SERINC4: variants seen among roughly 807,000 people sequenced by gnomAD.
The protein encoded by SERINC4 is serine incorporator 4.
In SERINC4, 52 loss-of-function variants were observed where a neutral mutation model predicts 52.0. The ratio of observed to expected loss-of-function variants is 1.00; its 90% CI spans 0.80 to 1.26. The LOEUF (loss-of-function observed/expected upper bound fraction) is 1.26. Among genes scored for constraint, SERINC4 ranks in the 50% most tolerant of loss-of-function variants. SERINC4 has a pLI of 0.00. For missense variants in SERINC4, 723 were observed against 632.8 expected (o/e 1.14, Z -1.53); for synonymous variants, 264 against 247.7 (o/e 1.07, Z -0.62).
rs202170146 is a variant in SERINC4, at chr15:43,796,624, A to G, written c.1059T>C (p.Leu353=). The change falls in exon 8 of 12, where the codon CTT becomes CTC. Residue 353 remains leucine, a synonymous_variant. Coordinates refer to ENST00000319327, the MANE Select transcript of SERINC4 (RefSeq NM_001258031.2). The part of the protein sequence containing the change: ...LSASIMYACV[L]FACNEASYLA... ...TTGACACCTTTACGCACCAAGCAAAAAGCACACAAGCATACATGATGCTAG... is the reference window on the plus strand; with the variant it reads ...TTGACACCTTTACGCACCAAGCAAAGAGCACACAAGCATACATGATGCTAG... The G allele has an allele frequency of 1.9e-4, 299 of 1,614,026 alleles. 2 individuals are homozygous for G. Among genetic ancestry groups the G allele is most frequent in the Middle Eastern group, 1.7e-3 (10 of 6,060 alleles).
At position 43,795,448 on chromosome 15, in the gene SERINC4, A is replaced by T; in HGVS notation, c.1283T>A (p.Phe428Tyr). The change falls in exon 11 of 12, where the codon TTC (phenylalanine) becomes TAC (tyrosine). Residue 428 changes from phenylalanine to tyrosine, a missense_variant. Phe to Tyr is a conservative substitution (Grantham distance 22). Transcript: ENST00000319327. ...VQHLSYNYSA[F>Y]HFVFFLASLY... Reference sequence around the variant, plus strand: ...TGAGGCAAGGAAGAAGACGAAGTGGAAGGCAGAATAGTTGTAGGAAAGATG... The same window carrying T: ...TGAGGCAAGGAAGAAGACGAAGTGGTAGGCAGAATAGTTGTAGGAAAGATG... 6.2e-7 allele frequency: 1 copy of T among 1,614,210 alleles called. No individual in the cohort carries two copies. The highest frequency in any genetic ancestry group is 8.5e-7 in the Non-Finnish European group (1 of 1,180,040).
intron 4 of SERINC4, 44 bp from the exon 5 acceptor site, chr15:43,798,057 T>C: frequency 2.7e-6 from 4 of 1,459,446 alleles, no homozygotes; most frequent in South Asian, 1.2e-5. Context: ...TTGTTACTTT[T>C]TTTTTTTTTT....
rs1055071552 is a variant in SERINC4, at chr15:43,798,710, G to T, written c.459-206C>A. 1.4e-5 allele frequency: 9 copies of T among 622,594 alleles called. No individual in the cohort carries two copies. The African/African-American group carries it at 1.7e-4, about 11-fold the overall frequency. 38.6% of individuals were successfully genotyped at this position (622,594 alleles called of 1,614,324 possible). A position where few individuals can be genotyped will look rare whatever the true frequency, so the allele number is the denominator to read the frequency against. The stretch of plus-strand genomic sequence containing the variant: ...AATTCTAACTCAAAGATACTTAATA[G>T]CATCTGGGCAATGTTTTACAGTTTA... On this transcript the variant is annotated intron_variant, in intron 3 of 11. Coordinates refer to ENST00000319327, the MANE Select transcript of SERINC4 (RefSeq NM_001258031.2).
Position 43,797,221 on chromosome 15 carries a change from G to A in SERINC4, c.768C>T (p.Asn256=). The change falls in exon 6 of 12, where the codon AAC becomes AAT. Residue 256 remains asparagine, a synonymous_variant. Transcript: ENST00000319327. ...AAAGGTGCAGACTGAGGAGCATCTT[G>A]TTAAGCAGGCAGCCAGCTGGGTGTG... The part of the protein sequence containing the change: ...YYTHPAGCLL[N]KMLLSLHLCF... 6.4e-7 allele frequency: 1 copy of A among 1,550,824 alleles called. No homozygotes were observed. The highest frequency in any genetic ancestry group is 8.7e-7 in the Non-Finnish European group (1 of 1,147,004).
chr15:43,799,092 C>CAG lies in SERINC4; in HGVS notation c.323_324dup (p.Asp109LeufsTer56). ...CCAGAGCCACTGAGCACTGGACAGT[C>CAG]AGAGAGGCCAAACAGGTGGGCACAC... On this transcript the variant is annotated frameshift_variant, in exon 3 of 12. Coordinates refer to ENST00000319327, the MANE Select transcript of SERINC4 (RefSeq NM_001258031.2). LOFTEE classifies it high-confidence loss of function. 1 of 1,550,510 alleles carries CAG rather than the reference C, an allele frequency of 6.4e-7. No homozygotes were observed. The highest frequency in any genetic ancestry group is 2.4e-5 in the East Asian group (1 of 40,908).
rs1303004153 is a variant in SERINC4, at chr15:43,795,211, T to C, written c.1346A>G (p.Tyr449Cys). Residue 449 changes from tyrosine (Y) to cysteine (C), a missense_variant and splice_region_variant, in exon 12 of 12, where the codon TAT becomes TGT. Coordinates refer to ENST00000319327, the MANE Select transcript of SERINC4 (RefSeq NM_001258031.2). ...GGTCTTTTCCAGTTCTGCTCCCTCA[T>C]AGCTGTGTAACCAAAGGCTCTGGTT... The part of the protein sequence containing the change: ...VMVTLTNWFS[Y>C]EGAELEKTFI... 2 of 1,614,022 alleles carry C rather than the reference T, an allele frequency of 1.2e-6. No individual in the cohort carries two copies. Among genetic ancestry groups the C allele is most frequent in the Admixed American group, 1.7e-5 (1 of 60,026 alleles).
At chr15:43,799,273 C>T (rs2087272550) in intron 2 of SERINC4, 37 bp downstream of exon 2, 10 of 1,538,336 alleles carry the variant, frequency 6.5e-6, no homozygotes, top group African/African-American at 1.4e-5. Context: ...TTCCTTTTAT[C>T]TCTTCCCACC....
chr15:43,800,129 A>G lies in SERINC4; in HGVS notation c.-143T>C. The G allele has an allele frequency of 1.6e-6, 1 of 628,686 alleles. No individual in the cohort carries two copies. The highest frequency in any genetic ancestry group is 2.7e-6 in the Non-Finnish European group (1 of 367,782). 38.9% of individuals were successfully genotyped at this position (628,686 alleles called of 1,614,324 possible). A position where few individuals can be genotyped will look rare whatever the true frequency, so the allele number is the denominator to read the frequency against. On this transcript the variant is annotated 5_prime_UTR_variant, in exon 1 of 12. Coordinates refer to ENST00000319327, the MANE Select transcript of SERINC4 (RefSeq NM_001258031.2). ...GCAGAATGGAGACGTCCGGAAGAGA[A>G]CACTGACCTCCAGGTTGCGGTAAAT...
In SERINC4 at chr15:43,797,987, C is replaced by G; in HGVS notation, c.565G>C (p.Gly189Arg). 6.2e-7 allele frequency: 1 copy of G among 1,613,794 alleles called. No homozygotes were observed. The highest frequency in any genetic ancestry group is 8.5e-7 in the Non-Finnish European group (1 of 1,179,734). ...PAWHYIGICG[G>R]FAFILLQLVL... ...AACTGCAGTAGGATGAATGCAAAGC[C>G]TCCACAGATGCCAATGTAATGCCAT... The change falls in exon 5 of 12, where the codon GGC becomes CGC. Residue 189 changes from glycine to arginine, a missense_variant. By Grantham distance (125) the Gly-to-Arg change is moderately radical (BLOSUM62 -2). Coordinates refer to ENST00000319327, the MANE Select transcript of SERINC4 (RefSeq NM_001258031.2).
chr15:43,799,511 A>G, intron 1 of SERINC4, 25 bp from the exon 2 acceptor site: 1 of 1,550,884 alleles, frequency 6.4e-7, no homozygotes, highest in Non-Finnish European at 8.7e-7. Context: ...GATGCAAGGC[A>G]GCGAGGTGGA....
At position 43,799,457 on chromosome 15, in the gene SERINC4, G is replaced by T; in HGVS notation, c.132C>A (p.Ala44=). 1 of 1,550,720 alleles carries T rather than the reference G, an allele frequency of 6.4e-7. No homozygotes were observed. ...QVCCCGPAPC[A]SCCHSRWPSL... The stretch of plus-strand genomic sequence containing the variant: ...AGGGCCACCTAGAGTGGCAGCAGCT[G>T]GCACAAGGAGCAGGCCCACAGCAGC... The change falls in exon 2 of 12, where the codon GCC becomes GCA. Residue 44 remains alanine, a synonymous_variant. Transcript: ENST00000319327.
In SERINC4 at chr15:43,794,257, A is replaced by G; in HGVS notation, c.*743T>C. 2.8e-6 allele frequency: 1 copy of G among 355,792 alleles called. No individual in the cohort carries two copies. Among genetic ancestry groups the G allele is most frequent in the Non-Finnish European group, 5.1e-6 (1 of 196,084 alleles). The allele number at this position is 355,792 out of a possible 1,614,324, so 22.0% of individuals were successfully genotyped here. On this transcript the variant is annotated 3_prime_UTR_variant, in exon 12 of 12. Transcript: ENST00000319327. ...GAGGAATCCTCTAAGAACCATAGAG[A>G]CTTCTTTTCTGTGATTTTTGTTCCC... is the stretch of plus-strand genomic sequence containing the variant.
intron 1 of SERINC4, 111 bp downstream of exon 1, chr15:43,799,774 G>C: frequency 1.1e-6 from 1 of 921,138 alleles, no homozygotes. Flanking sequence ...GATTATACCT[G>C]GGGCAACGAA....
rs374113255 is a variant in SERINC4, at chr15:43,795,140, A to T, written c.1417T>A (p.Cys473Ser). Residue 473 changes from cysteine to serine, a missense_variant, in exon 12 of 12, where the codon TGC (cysteine) becomes AGC (serine). Physicochemically the swap from Cys to Ser is moderately radical, Grantham distance 112. Transcript: ENST00000319327. Reference protein sequence around the residue: ...WATFWVKVASCWACVLLYLGL... With the variant: ...WATFWVKVASSWACVLLYLGL... ...AGATAGAGGAGTACGCAGGCCCAGC[A>T]TGAGGCAACCTTGACCCAGAAGGTG... is the stretch of plus-strand genomic sequence containing the variant. 1.2e-5 allele frequency: 19 copies of T among 1,614,036 alleles called. No individual in the cohort carries two copies. The African/African-American group carries it at 2.3e-4, about 19-fold the overall frequency.
At chr15:43,799,664 G>T (rs1291935945) in intron 1 of SERINC4, 178 bp from the exon 2 acceptor site, 2 of 874,820 alleles carry the variant, frequency 2.3e-6, no homozygotes, top group Non-Finnish European at 1.9e-6. Flanking sequence ...GCCGCCCACT[G>T]ACAACTTAGT....
chr15:43,796,968 C>A (rs1418954401), intron 6 of SERINC4, 28 bp from the exon 7 acceptor site: 1 of 1,588,058 alleles, frequency 6.3e-7, no homozygotes, highest in Non-Finnish European at 8.6e-7. Flanking sequence ...TTGCTTTAGT[C>A]TACAGGCTGG....
chr15:43,799,259 G>C (rs1460376275), intron 2 of SERINC4, 51 bp downstream of exon 2: 3 of 1,530,528 alleles, frequency 2.0e-6, no homozygotes, highest in African/African-American at 1.4e-5. Flanking sequence ...CTATCTTAGG[G>C]TTTTTCCTTT....
At position 43,795,121 on chromosome 15, in the gene SERINC4, A is replaced by G. The variant is rs778103282; in HGVS notation, c.1436T>C (p.Leu479Pro). ...KVASCWACVL[L>P]YLGLLLAPLC... ...TGGTGCCAGTAACAGCCCCAGATAG[A>G]GGAGTACGCAGGCCCAGCATGAGGC... The change falls in exon 12 of 12, where the codon CTC becomes CCC. Residue 479 changes from leucine to proline, a missense_variant. Leu to Pro is a moderately conservative substitution (Grantham distance 98). Coordinates refer to ENST00000319327, the MANE Select transcript of SERINC4 (RefSeq NM_001258031.2). The G allele has an allele frequency of 9.9e-6, 16 of 1,614,068 alleles. No homozygotes were observed. The East Asian group carries it at 3.6e-4, about 36-fold the overall frequency.
At chr15:43,795,596 C>CT (rs1286516389) in intron 10 of SERINC4, 55 bp from the exon 11 acceptor site, 1 of 1,611,744 alleles carries the variant, frequency 6.2e-7, no homozygotes, top group East Asian at 2.2e-5. Context: ...CTCTTCCCCT[C>CT]TCCCCCAACT....
Sources: gnomAD v4.1 joint callset for allele counts on GRCh38, gnomAD v4.1.1 for gene constraint, MANE v1.5 for transcripts, NCBI Gene and HGNC (gene_info 2026-07-23, HGNC 2026-07-21) for gene names.